Variants in USP20 observed in about 807,000 individuals in gnomAD.
USP20 encodes the protein ubiquitin specific peptidase 20, also known as ubiquitin carboxyl-terminal hydrolase 20.
Under a neutral mutation model 124.2 loss-of-function variants are expected in USP20, and 80 were observed. That is an observed-to-expected ratio of 0.64 (90% CI 0.54 to 0.78). USP20 has a LOEUF of 0.78. USP20 is among the 30% of genes least tolerant of loss of function. The pLI, the probability that USP20 is intolerant of heterozygous loss-of-function variation, is 0.00. For synonymous variants in USP20, 481 were observed against 512.3 expected (o/e 0.94, Z 0.83); for missense variants, 1,043 against 1,244.4 (o/e 0.84, Z 2.44).
At chr9:129,842,828 T>A (rs2032308119) in intron 1 of USP20, among the ~76,000 whole-genome samples, 1 of 151,940 alleles carries the variant, frequency 6.6e-6, no homozygotes. Flanking sequence ...CTCCTGACCT[T>A]GTGATCCACC....
intron 1 of USP20, among the ~76,000 whole-genome samples, chr9:129,848,907 G>A (rs1371858194): frequency 6.6e-6 from 1 of 152,210 alleles, no homozygotes; most frequent in Admixed American, 6.5e-5. Context: ...ATTTTAAATG[G>A]TAGCTTCTAA....
rs763047247 is a variant in USP20 at position 129,868,445 on chromosome 9, G to C, written c.1131G>C (p.Thr377=). 6.2e-7 allele frequency: 1 copy of C among 1,609,376 alleles called. No individual in the cohort carries two copies. ...CACGGTCCTCCAGCCCCTGCCGGAC[G>C]CCAGGTATCAGCTGGCCGGGGACTG... The part of the protein sequence containing the change: ...PSPRSSSPCR[T]PEPDNDAHLR... The change falls in exon 11 of 26, where the codon ACG becomes ACC. Residue 377 remains threonine (T), a synonymous_variant. Transcript: ENST00000372429.
At position 129,879,541 on chromosome 9, in the gene USP20, G is replaced by A. The variant is rs750708730; in HGVS notation, c.2513-32G>A. 1.9e-6 allele frequency: 3 copies of A among 1,611,606 alleles called. No individual in the cohort carries two copies. Among genetic ancestry groups the A allele is most frequent in the South Asian group, 1.1e-5 (1 of 91,014 alleles). On this transcript the variant is annotated intron_variant, in intron 23 of 25. Coordinates refer to ENST00000372429, the MANE Select transcript of USP20 (RefSeq NM_001110303.4). The surrounding 1 kb of genome is among the most constrained non-coding windows in gnomAD (Gnocchi z 4.2). The stretch of plus-strand genomic sequence containing the variant: ...TGTGGAGGGTGGAGGGCATGGCAGG[G>A]GCTGAACCCGAGCCCGCTGTGTCTG...
At chr9:129,848,375 G>A (rs2131043455) in intron 1 of USP20, among the ~76,000 whole-genome samples, 1 of 152,318 alleles carries the variant, frequency 6.6e-6, no homozygotes, top group East Asian at 1.9e-4. Flanking sequence ...CCAATTCTGT[G>A]TCTTCATCTG....
At chr9:129,856,392 G>A (rs773376889) in intron 4 of USP20, 32 bp downstream of exon 4, 5 of 1,611,528 alleles carry the variant, frequency 3.1e-6, no homozygotes, top group Non-Finnish European at 4.2e-6. Context: ...CAGGGGTGTA[G>A]AGCTGCTTCC....
chr9:129,838,520 A>T (rs987838374), intron 1 of USP20, among the ~76,000 whole-genome samples: 1 of 152,182 alleles, frequency 6.6e-6, no homozygotes, highest in East Asian at 1.9e-4. Context: ...GACTGCTCAA[A>T]CTGGGTTTGG....
chr9:129,879,761 C>G lies in USP20; in HGVS notation c.2584+117C>G, dbSNP rs1043721556. On this transcript the variant is annotated intron_variant, in intron 24 of 25. Transcript: ENST00000372429. The surrounding 1 kb of genome is among the most constrained non-coding windows in gnomAD (Gnocchi z 4.2). ...CACCTGTCTTAGAGTCAGGCTGAGA[C>G]GTCCACCTGAGTCCAGACCCAGGCG... The G allele has an allele frequency of 4.1e-6, 5 of 1,219,840 alleles. No homozygotes were observed. Among genetic ancestry groups the G allele is most frequent in the Non-Finnish European group, 5.9e-6 (5 of 850,556 alleles). The allele number at this position is 1,219,840 out of a possible 1,614,324, so 75.6% of individuals were successfully genotyped here.
chr9:129,863,204 C>T lies in USP20; in HGVS notation c.516C>T (p.Phe172=), dbSNP rs894801677. The T allele has an allele frequency of 3.9e-6, 6 of 1,541,680 alleles. No individual in the cohort carries two copies. The highest frequency in any genetic ancestry group is 5.3e-6 in the Non-Finnish European group (6 of 1,139,036). Residue 172 remains phenylalanine, a synonymous_variant, in exon 9 of 26, where the codon TTC becomes TTT. Transcript: ENST00000372429. The stretch of plus-strand genomic sequence containing the variant: ...CACCCAGCCCGCCGCTGACTCAGTT[C>T]TTCTTGGAGTGTGGCGGCCTGGTGC... The part of the protein sequence containing the change: ...ALSNCPPLTQ[F]FLECGGLVRT...
In USP20 at chr9:129,879,619, A is replaced by T; in HGVS notation, c.2559A>T (p.Gly853=). 3 of 1,613,866 alleles carry T rather than the reference A, an allele frequency of 1.9e-6. No individual in the cohort carries two copies. The highest frequency in any genetic ancestry group is 1.7e-6 in the Non-Finnish European group (2 of 1,180,008). ...IDNSRIAQVK[G]SGHVQLKQGA... Reference sequence around the variant, plus strand: ...ACAGCAGGATTGCACAGGTCAAAGGAAGCGGCCATGTCCAGCTGAAGCAGG... The same window carrying T: ...ACAGCAGGATTGCACAGGTCAAAGGTAGCGGCCATGTCCAGCTGAAGCAGG... The change falls in exon 24 of 26, where the codon GGA becomes GGT. Residue 853 remains glycine, a synonymous_variant. Transcript: ENST00000372429. This position sits in a 1 kb window ranked among gnomAD's most constrained non-coding sequence, Gnocchi z 4.2.
At chr9:129,872,515 T>C (rs2034175825) in intron 15 of USP20, among the ~76,000 whole-genome samples, 1 of 152,224 alleles carries the variant, frequency 6.6e-6, no homozygotes, top group Admixed American at 6.5e-5. Context: ...CCTCCCATCC[T>C]GTAGGGTGCG....
chr9:129,874,504 G>T, intron 17 of USP20, 72 bp from the exon 18 acceptor site: 1 of 1,579,380 alleles, frequency 6.3e-7, no homozygotes, highest in South Asian at 1.2e-5. Flanking sequence ...AGCTGTCCTG[G>T]GCCCGTGGGC....
At chr9:129,873,378 C>T (rs2034226277) in intron 15 of USP20, 104 bp from the exon 16 acceptor site, 3 of 1,462,730 alleles carry the variant, frequency 2.1e-6, no homozygotes, top group Non-Finnish European at 2.9e-6. Context: ...GCCACCATGC[C>T]CAGCCAGGTT....
At chr9:129,872,956 T>TG in intron 15 of USP20, among the ~76,000 whole-genome samples, 1 of 152,324 alleles carries the variant, frequency 6.6e-6, no homozygotes, top group East Asian at 1.9e-4. Flanking sequence ...TTACAGATGT[T>TG]GAAGTATTTC....
chr9:129,850,553 A>T (rs915506867), intron 2 of USP20, among the ~76,000 whole-genome samples: 2 of 152,116 alleles, frequency 1.3e-5, no homozygotes, highest in Non-Finnish European at 2.9e-5. Context: ...ACCCTGGCTG[A>T]CCATTTGGGA....
chr9:129,870,134 C>T (rs868304254), intron 14 of USP20: 30 of 561,312 alleles, frequency 5.3e-5, no homozygotes, highest in Middle Eastern at 9.5e-4. Flanking sequence ...GCCTGGTTGG[C>T]GGGAAGGGCA....
chr9:129,873,871 A>G (rs2034257755), intron 17 of USP20, 127 bp downstream of exon 17: 5 of 1,185,640 alleles, frequency 4.2e-6, no homozygotes, highest in African/African-American at 1.5e-5. Flanking sequence ...TGGAGACTCC[A>G]TAGCTTTGGC....
rs1002899896 is a variant in USP20 at position 129,879,455 on chromosome 9, A to T, written c.2513-118A>T. 6.1e-6 allele frequency: 6 copies of T among 979,652 alleles called. No homozygotes were observed. Among genetic ancestry groups the T allele is most frequent in the Non-Finnish European group, 7.9e-6 (5 of 631,086 alleles). 60.7% of individuals were successfully genotyped at this position (979,652 alleles called of 1,614,324 possible). Reference sequence around the variant, plus strand: ...ATTGGGTGGCTCAGGCGCCTCATCCATTAGAGACTTCACGCTGACCCCCAG... The same window carrying T: ...ATTGGGTGGCTCAGGCGCCTCATCCTTTAGAGACTTCACGCTGACCCCCAG... On this transcript the variant is annotated intron_variant, in intron 23 of 25. Coordinates refer to ENST00000372429, the MANE Select transcript of USP20 (RefSeq NM_001110303.4). This position sits in a 1 kb window ranked among gnomAD's most constrained non-coding sequence, Gnocchi z 4.2.
chr9:129,863,362 A>G (rs1350256992), intron 9 of USP20, 63 bp downstream of exon 9: 1 of 1,305,888 alleles, frequency 7.7e-7, no homozygotes, highest in African/African-American at 1.5e-5. Flanking sequence ...GTCAGCACCC[A>G]TGATTGAGTA....
At chr9:129,860,606 C>T (rs1382384665) in intron 6 of USP20, among the ~76,000 whole-genome samples, 1 of 152,108 alleles carries the variant, frequency 6.6e-6, no homozygotes, top group Non-Finnish European at 1.5e-5. Flanking sequence ...CACCTGTAGT[C>T]TCAGCTACTG....
Sources: gnomAD v4.1 joint callset for allele counts (sites outside exome capture counted in the v4.1 genomes callset) on GRCh38, gnomAD v4.1.1 for gene constraint, Gnocchi (gnomAD v3.1) non-coding constraint, MANE v1.5 for transcripts, NCBI Gene and HGNC (gene_info 2026-07-23, HGNC 2026-07-21) for gene names.